SNRNP70: variants seen among roughly 807,000 people sequenced by gnomAD.
SNRNP70 encodes the protein U1 small nuclear ribonucleoprotein 70 kDa.
SNRNP70 carries 8 observed loss-of-function variants against 50.5 expected under a neutral mutation model. That is an observed-to-expected ratio of 0.16 (90% CI 0.09 to 0.29). SNRNP70 has a LOEUF of 0.29. SNRNP70 is among the 10% of genes least tolerant of loss of function. SNRNP70 has a pLI of 1.00. For synonymous variants in SNRNP70, 320 were observed against 252.9 expected, an observed-to-expected ratio of 1.27 and a Z score of -2.52; for missense variants, 529 against 663.5, an observed-to-expected ratio of 0.80 and a Z score of 2.23.
intron 4 of SNRNP70, 117 bp from the exon 5 acceptor site, chr19:49,098,310 A>T: frequency 1.2e-6 from 1 of 811,260 alleles, no homozygotes; most frequent in South Asian, 1.6e-5. Flanking sequence ...ATGTTCCTCC[A>T]GTTAGGGGCC....
intron 2 of SNRNP70, among the ~76,000 whole-genome samples, chr19:49,087,956 G>A (rs1271626397): frequency 1.3e-5 from 2 of 152,138 alleles, no homozygotes; most frequent in African/African-American, 4.8e-5. Context: ...CTGGAGTGCA[G>A]TGGCGTGATT....
At chr19:49,090,948 A>C (rs1272310895) in intron 4 of SNRNP70, among the ~76,000 whole-genome samples, 2 of 152,028 alleles carry the variant, frequency 1.3e-5, no homozygotes, top group Admixed American at 6.6e-5. Context: ...CATTAACCAA[A>C]CTCATAAGAG....
intron 1 of SNRNP70, 47 bp downstream of exon 1, chr19:49,085,683 C>T: frequency 2.2e-6 from 1 of 454,884 alleles, no homozygotes; most frequent in Non-Finnish European, 4.4e-6. Flanking sequence ...GGGCCGCTAC[C>T]CAGAAGCCCC....
At chr19:49,086,320 T>G in intron 1 of SNRNP70, 85 bp from the exon 2 acceptor site, 2 of 1,430,876 alleles carry the variant, frequency 1.4e-6, no homozygotes, top group South Asian at 2.8e-5. Context: ...TCTCCTGTCT[T>G]TCTTATTTTG....
At position 49,104,175 on chromosome 19, in the gene SNRNP70, TG is replaced by T; in HGVS notation, c.476-455del. 6.4e-6 allele frequency: 1 copy of T among 156,030 alleles called. No homozygotes were observed. Among genetic ancestry groups the T allele is most frequent in the Non-Finnish European group, 1.4e-5 (1 of 71,248 alleles). 9.7% of individuals were successfully genotyped at this position (156,030 alleles called of 1,614,324 possible). A position where few individuals can be genotyped will look rare whatever the true frequency, so the allele number is the denominator to read the frequency against. The stretch of plus-strand genomic sequence containing the variant: ...AAAAACAGAAAAAACCGGTGTGGTC[TG>T]GGGTGCGGAGCGTCCCAGCTGGGCC... On this transcript the variant is annotated intron_variant, in intron 7 of 9. Transcript: ENST00000598441. This position sits in a 1 kb window ranked among gnomAD's most constrained non-coding sequence, Gnocchi z 5.4.
At position 49,107,921 on chromosome 19, in the gene SNRNP70, G is replaced by A. The variant is rs1290155019; in HGVS notation, c.792G>A (p.Arg264=). 2 of 1,547,806 alleles carry A rather than the reference G, an allele frequency of 1.3e-6. No individual in the cohort carries two copies. Among genetic ancestry groups the A allele is most frequent in the Non-Finnish European group, 1.7e-6 (2 of 1,146,422 alleles). ...RRRSRSRDRR[R]RSRSRDKEER... is the part of the protein sequence containing the mutation. ...GCTCCCGCTCCCGGGACCGGCGGAG[G>A]CGCTCACGGAGTCGCGACAAGGAGG... Residue 264 remains arginine (R), a synonymous_variant, in exon 10 of 10, where the codon AGG becomes AGA. Transcript: ENST00000598441. This position sits in a 1 kb window ranked among gnomAD's most constrained non-coding sequence, Gnocchi z 6.0.
intron 2 of SNRNP70, among the ~76,000 whole-genome samples, 187 bp from the exon 3 acceptor site, chr19:49,090,104 C>T (rs961450885): frequency 4.0e-5 from 6 of 149,074 alleles, no homozygotes; most frequent in African/African-American, 7.3e-5. Context: ...AGCCACTGTG[C>T]GTGGCTGCAG....
At chr19:49,101,316 G>A in intron 6 of SNRNP70, 74 bp from the exon 7 acceptor site, 1 of 1,084,040 alleles carries the variant, frequency 9.2e-7, no homozygotes, top group Non-Finnish European at 1.4e-6. Flanking sequence ...GGCCTGGTGT[G>A]CAGGCTGTTG....
At chr19:49,093,678 CAA>C in intron 4 of SNRNP70, among the ~76,000 whole-genome samples, 1 of 64,184 alleles carries the variant, frequency 1.6e-5, no homozygotes, top group African/African-American at 6.5e-5. Flanking sequence ...GATTCCATCT[CAA>C]AAAAAAAAAA....
At chr19:49,099,858 T>C (rs1317163005) in intron 6 of SNRNP70, among the ~76,000 whole-genome samples, 1 of 152,140 alleles carries the variant, frequency 6.6e-6, no homozygotes, top group Admixed American at 6.5e-5. Flanking sequence ...CTGGCCAACA[T>C]GGCGAAACCC....
intron 4 of SNRNP70, among the ~76,000 whole-genome samples, chr19:49,095,059 C>G (rs1419411057): frequency 6.6e-6 from 1 of 152,256 alleles, no homozygotes; most frequent in Non-Finnish European, 1.5e-5. Flanking sequence ...CGCTGCCCGG[C>G]ATTGGGTCTG....
At chr19:49,090,667 A>G in intron 4 of SNRNP70, 147 bp downstream of exon 4, 1 of 738,354 alleles carries the variant, frequency 1.4e-6, no homozygotes, top group Non-Finnish European at 2.3e-6. Context: ...CTGCCACTTC[A>G]CAAGCACTGT....
intron 4 of SNRNP70, among the ~76,000 whole-genome samples, chr19:49,092,992 T>G (rs1358334852): frequency 6.6e-6 from 1 of 151,232 alleles, no homozygotes; most frequent in Non-Finnish European, 1.5e-5. Context: ...CATAGCTCAC[T>G]GCAACCTTGA....
Position 49,101,375 on chromosome 19 carries a change from C to T in SNRNP70, c.394-15C>T. The stretch of plus-strand genomic sequence containing the variant: ...CCTGTGGCAGGACTCACCCCTGTCC[C>T]CATGTGCCCCACAGATACACATGGT... On this transcript the variant is annotated splice_polypyrimidine_tract_variant and intron_variant, in intron 6 of 9. Coordinates refer to ENST00000598441, the MANE Select transcript of SNRNP70 (RefSeq NM_003089.6). The T allele has an allele frequency of 6.2e-7, 1 of 1,609,810 alleles. No homozygotes were observed. The highest frequency in any genetic ancestry group is 8.5e-7 in the Non-Finnish European group (1 of 1,176,138).
intron 5 of SNRNP70, 41 bp downstream of exon 5, chr19:49,098,532 G>C: frequency 6.3e-7 from 1 of 1,598,536 alleles, no homozygotes; most frequent in Non-Finnish European, 8.6e-7. Flanking sequence ...CCACGCTGCT[G>C]AGAGCCTGGG....
intron 8 of SNRNP70, among the ~76,000 whole-genome samples, chr19:49,106,632 G>A (rs571829105): frequency 2.0e-5 from 3 of 152,184 alleles, no homozygotes; most frequent in Non-Finnish European, 4.4e-5. Flanking sequence ...CAGGCAGTGC[G>A]AGATAGAGGA....
chr19:49,089,623 G>A (rs1439712108), intron 2 of SNRNP70, among the ~76,000 whole-genome samples: 1 of 150,864 alleles, frequency 6.6e-6, no homozygotes, highest in African/African-American at 2.4e-5. Context: ...AGATAGTACT[G>A]GTCCATGGAC....
chr19:49,103,281 C>G (rs1054782166), intron 7 of SNRNP70: 1 of 152,604 alleles, frequency 6.6e-6, no homozygotes, highest in East Asian at 1.9e-4. Context: ...TCGTCTCCCC[C>G]ACTCTAAGGC....
At chr19:49,101,555 C>G (rs1020147792) in intron 7 of SNRNP70, 84 bp downstream of exon 7, 1 of 826,080 alleles carries the variant, frequency 1.2e-6, no homozygotes, top group Admixed American at 1.9e-5. Context: ...TCCCCTCCCC[C>G]ACCCTGCCAC....
Sources: allele counts gnomAD v4.1 joint callset (sites outside exome capture counted in the v4.1 genomes callset), GRCh38; gene constraint gnomAD v4.1.1; non-coding constraint Gnocchi (gnomAD v3.1); transcripts MANE v1.5; gene names NCBI Gene and HGNC (gene_info 2026-07-23, HGNC 2026-07-21).